MMP26: variants seen among roughly 807,000 people sequenced by gnomAD.
The protein encoded by MMP26 is matrix metalloproteinase-26.
MMP26 carries 33 observed loss-of-function variants against 31.0 expected under a neutral mutation model. That is an observed-to-expected ratio of 1.06 (90% CI 0.81 to 1.42). MMP26 has a LOEUF of 1.42. Among genes scored for constraint, MMP26 ranks in the 40% most tolerant of loss-of-function variants. MMP26 has a pLI of 0.00. For synonymous variants in MMP26, 122 were observed against 114.9 expected, an observed-to-expected ratio of 1.06 and a Z score of -0.40; for missense variants, 347 against 316.1, an observed-to-expected ratio of 1.10 and a Z score of -0.74.
intron 1 of MMP26, among the ~76,000 whole-genome samples, chr11:4,730,309 G>C (rs1647673100): frequency 6.6e-6 from 1 of 152,040 alleles, no homozygotes; most frequent in Admixed American, 6.6e-5. Context: ...ATTGGAAGGG[G>C]ATGACAGACA....
chr11:4,821,355 G>A (rs1388117778), intron 2 of MMP26: 1 of 1,536,200 alleles, frequency 6.5e-7, no homozygotes, highest in Non-Finnish European at 8.9e-7. Flanking sequence ...GATGTTACAA[G>A]TGATAAACTA....
intron 2 of MMP26, among the ~76,000 whole-genome samples, chr11:4,849,870 A>G (rs1398861119): frequency 1.3e-5 from 2 of 152,192 alleles, no homozygotes; most frequent in African/African-American, 4.8e-5. Context: ...AAATGTAATA[A>G]TTGCACATAT....
chr11:4,931,011 G>C (rs1346418122), intron 2 of MMP26, among the ~76,000 whole-genome samples: 2 of 152,058 alleles, frequency 1.3e-5, no homozygotes, highest in African/African-American at 4.8e-5. Flanking sequence ...AGCTAAAGCT[G>C]AAATTAATAC....
intron 2 of MMP26, chr11:4,907,991 C>A: frequency 6.2e-7 from 1 of 1,614,166 alleles, no homozygotes; most frequent in Non-Finnish European, 8.5e-7. Flanking sequence ...CTGTACTATG[C>A]TGGACTTGGC....
intron 1 of MMP26, among the ~76,000 whole-genome samples, chr11:4,755,866 A>C (rs538708771): frequency 9.2e-5 from 14 of 152,188 alleles, no homozygotes; most frequent in Middle Eastern, 3.4e-3. Flanking sequence ...AAAGAAAAAA[A>C]TACTAGCATA....
chr11:4,726,573 A>G (rs1848103484), intron 1 of MMP26, among the ~76,000 whole-genome samples: 1 of 152,236 alleles, frequency 6.6e-6, no homozygotes, highest in African/African-American at 2.4e-5. Flanking sequence ...AGCGAAGCCA[A>G]TGAAGCTTCT....
At position 4,814,749 on chromosome 11, in the gene MMP26, C is replaced by T. The variant is rs111794030; in HGVS notation, c.-145+47408C>T. ...AAGGAGAGCTAGTAATCTCATCCACCGTATTAATAAACCAACCCTTAATAA... is the reference window on the plus strand; with the variant it reads ...AAGGAGAGCTAGTAATCTCATCCACTGTATTAATAAACCAACCCTTAATAA... On this transcript the variant is annotated intron_variant, in intron 2 of 7. Transcript: ENST00000380390. 6.4e-3 allele frequency among the ~76,000 whole-genome samples: 970 copies of T among 151,908 alleles called. 9 individuals carry two copies. The highest frequency in any genetic ancestry group is 0.02 in the Middle Eastern group (6 of 294).
intron 2 of MMP26, among the ~76,000 whole-genome samples, chr11:4,972,756 A>G (rs1412930932): frequency 6.6e-6 from 1 of 152,218 alleles, no homozygotes; most frequent in Non-Finnish European, 1.5e-5. Context: ...CTGGGAATAC[A>G]TTTTATTTAC....
intron 2 of MMP26, among the ~76,000 whole-genome samples, chr11:4,837,764 G>A (rs1849738788): frequency 1.3e-5 from 2 of 152,032 alleles, no homozygotes; most frequent in Admixed American, 1.3e-4. Flanking sequence ...TGGCCAGTGT[G>A]CAGGAGACAG....
intron 2 of MMP26, chr11:4,860,378 A>G (rs999715626): frequency 4.2e-6 from 2 of 471,094 alleles, no homozygotes; most frequent in African/African-American, 2.0e-5. Context: ...GAAAGGAAGT[A>G]ATACGTGGGC....
At chr11:4,801,160 G>T (rs1849175606) in intron 2 of MMP26, among the ~76,000 whole-genome samples, 1 of 152,108 alleles carries the variant, frequency 6.6e-6, no homozygotes, top group Non-Finnish European at 1.5e-5. Flanking sequence ...TTGTCTTCCT[G>T]TCTTCTTCTG....
intron 2 of MMP26, chr11:4,908,649 T>C: frequency 2.9e-6 from 1 of 346,046 alleles, no homozygotes. Flanking sequence ...ATACAGATGA[T>C]ATACAAAGTC....
intron 2 of MMP26, among the ~76,000 whole-genome samples, chr11:4,825,597 A>T (rs1849568557): frequency 6.6e-6 from 1 of 152,184 alleles, no homozygotes; most frequent in Non-Finnish European, 1.5e-5. Context: ...GTTTTAGGTA[A>T]AAATGGAAGA....
At chr11:4,925,726 T>C (rs985250371) in intron 2 of MMP26, among the ~76,000 whole-genome samples, 2 of 148,240 alleles carry the variant, frequency 1.3e-5, no homozygotes, top group African/African-American at 5.0e-5. Flanking sequence ...AGGATGAAAG[T>C]AATAGTACAT....
At chr11:4,737,998 C>T (rs1848264854) in intron 1 of MMP26, among the ~76,000 whole-genome samples, 1 of 152,058 alleles carries the variant, frequency 6.6e-6, no homozygotes, top group African/African-American at 2.4e-5. Flanking sequence ...CGTTTGTTTG[C>T]TTTTTGTGGA....
intron 2 of MMP26, among the ~76,000 whole-genome samples, chr11:4,768,428 G>A (rs771121201): frequency 2.6e-4 from 39 of 152,186 alleles, no homozygotes; most frequent in Admixed American, 4.6e-4. Flanking sequence ...GACAAAGGAT[G>A]GAACCATGGA....
intron 2 of MMP26, among the ~76,000 whole-genome samples, chr11:4,813,897 T>G (rs1849384366): frequency 6.6e-6 from 1 of 152,030 alleles, no homozygotes; most frequent in Admixed American, 6.6e-5. Flanking sequence ...ACATTCACAA[T>G]GCATATATCT....
chr11:4,705,978 T>C (rs1589879190), intron 1 of MMP26, among the ~76,000 whole-genome samples: 1 of 59,314 alleles, frequency 1.7e-5, no homozygotes, highest in East Asian at 4.6e-4. Flanking sequence ...GGGCGGGTGG[T>C]GGTGGTGGTG....
intron 1 of MMP26, chr11:4,710,061 C>G (rs1172906045): frequency 1.3e-5 from 6 of 456,678 alleles, no homozygotes; most frequent in Non-Finnish European, 2.6e-5. Flanking sequence ...ACTCCTGCTC[C>G]TTAAGCGCCT....
Sources: gnomAD v4.1 joint callset for allele counts (sites outside exome capture counted in the v4.1 genomes callset) on GRCh38, gnomAD v4.1.1 for gene constraint, MANE v1.5 for transcripts, NCBI Gene and HGNC (gene_info 2026-07-23, HGNC 2026-07-21) for gene names.